Variants in MAN1B1 observed in about 807,000 individuals in gnomAD.
The protein encoded by MAN1B1 is mannosidase alpha class 1B member 1.
MAN1B1 carries 66 observed loss-of-function variants against 75.5 expected under a neutral mutation model. The ratio of observed to expected loss-of-function variants is 0.87; its 90% CI spans 0.72 to 1.07. MAN1B1 has a LOEUF of 1.07. MAN1B1 is among the 50% of genes least tolerant of loss of function. MAN1B1 has a pLI of 0.00. For synonymous variants in MAN1B1, 453 were observed against 382.8 expected (o/e 1.18, Z -2.14); for missense variants, 973 against 912.5 (o/e 1.07, Z -0.85).
Position 137,101,625 on chromosome 9 carries a change from C to G in MAN1B1, c.1207C>G (p.Leu403Val), listed in dbSNP as rs1251324153. 6.2e-6 allele frequency: 10 copies of G among 1,613,450 alleles called. No individual in the cohort carries two copies. The highest frequency in any genetic ancestry group is 7.6e-6 in the Non-Finnish European group (9 of 1,179,840). ...STVAEVTSIQLEFRELSRLTG... is the reference protein window; with the variant it reads ...STVAEVTSIQVEFRELSRLTG... Reference sequence around the variant, plus strand: ...TGTGGCCGAGGTGACCAGCATTCAGCTGGAGTTCCGGGAGCTCTCCCGTCT... The same window carrying G: ...TGTGGCCGAGGTGACCAGCATTCAGGTGGAGTTCCGGGAGCTCTCCCGTCT... Residue 403 changes from leucine (L) to valine (V), a missense_variant, in exon 8 of 13, where the codon CTG becomes GTG. Transcript: ENST00000371589.
chr9:137,101,108 G>T lies in MAN1B1; in HGVS notation c.1020G>T (p.Leu340=), dbSNP rs551692238. The T allele has an allele frequency of 8.7e-6, 14 of 1,614,150 alleles. No individual in the cohort carries two copies. Among genetic ancestry groups the T allele is most frequent in the Non-Finnish European group, 1.2e-5 (14 of 1,180,028 alleles). ...CGATCCGCATCCTGGGGGGGCTCCT[G>T]AGTGCCTACCACCTGTCTGGGGACA... The part of the protein sequence containing the change: ...ESTIRILGGL[L]SAYHLSGDSL... Residue 340 remains leucine, a synonymous_variant, in exon 7 of 13, where the codon CTG becomes CTT. Coordinates refer to ENST00000371589, the MANE Select transcript of MAN1B1 (RefSeq NM_016219.5).
At chr9:137,103,829 G>C (rs1251289025) in intron 8 of MAN1B1, 4 of 450,982 alleles carry the variant, frequency 8.9e-6, no homozygotes, top group Non-Finnish European at 1.8e-5. Context: ...AGGCTTGCAG[G>C]TCGGTGGTGT....
At chr9:137,088,370 G>A in intron 2 of MAN1B1, 187 bp downstream of exon 2, 1 of 1,589,210 alleles carries the variant, frequency 6.3e-7, no homozygotes, top group Non-Finnish European at 8.5e-7. Context: ...TTAATTTGAT[G>A]CTGTCTGACT....
At chr9:137,087,358 G>A in intron 1 of MAN1B1, 140 bp downstream of exon 1, 1 of 1,022,662 alleles carries the variant, frequency 9.8e-7, no homozygotes, top group Non-Finnish European at 1.4e-6. Flanking sequence ...GCAAAAAGGG[G>A]CAAATGTGCG....
rs1252947478 is a variant in MAN1B1 at position 137,088,104 on chromosome 9, G to A, written c.249G>A (p.Arg83=). Residue 83 remains arginine, a synonymous_variant, in exon 2 of 13, where the codon CGG becomes CGA. Transcript: ENST00000371589. The stretch of plus-strand genomic sequence containing the variant: ...GGAAGCAACTGTCGAGATTGCAGCG[G>A]AATATGATTCTCTTCCTCCTTGCCT... ...RKWKQLSRLQ[R]NMILFLLAFL... 1.2e-6 allele frequency: 2 copies of A among 1,614,188 alleles called. No individual in the cohort carries two copies. Among genetic ancestry groups the A allele is most frequent in the East Asian group, 4.5e-5 (2 of 44,896 alleles).
At position 137,107,354 on chromosome 9, in the gene MAN1B1, C is replaced by T; in HGVS notation, c.1671C>T (p.Tyr557=). The stretch of plus-strand genomic sequence containing the variant: ...CCCAGGAGCTCATGGAGACTTGTTA[C>T]CAGATGAACCGGCAGATGGAGACGG... ...ELAQELMETC[Y]QMNRQMETGL... Residue 557 remains tyrosine, a synonymous_variant, in exon 11 of 13, where the codon TAC becomes TAT. Coordinates refer to ENST00000371589, the MANE Select transcript of MAN1B1 (RefSeq NM_016219.5). 2 of 1,613,390 alleles carry T rather than the reference C, an allele frequency of 1.2e-6. No individual in the cohort carries two copies. The highest frequency in any genetic ancestry group is 1.7e-6 in the Non-Finnish European group (2 of 1,180,010).
At chr9:137,094,895 C>A (rs368801977) in intron 3 of MAN1B1, among the ~76,000 whole-genome samples, 328 of 136,988 alleles carry the variant, frequency 2.4e-3, no homozygotes, top group African/African-American at 7.7e-3. Context: ...AACAAACAAA[C>A]AAAAAAAACA....
At chr9:137,106,402 C>T in intron 9 of MAN1B1, 87 bp downstream of exon 9, 2 of 1,268,778 alleles carry the variant, frequency 1.6e-6, no homozygotes, top group Non-Finnish European at 2.2e-6. Context: ...CCCACGGCCC[C>T]CGCTCCTGCT....
In MAN1B1 at chr9:137,108,468, CT is replaced by C. The variant is rs1407449968; in HGVS notation, c.1979del (p.Phe660SerfsTer68). ...PEPRDKMESF[F>X]LGETLKYLFL... is the part of the protein sequence containing the mutation. Reference sequence around the variant, plus strand: ...AGCCTAGGGACAAGATGGAGAGCTTCTTCCTGGGGGAGACGCTCAAGTATCT... The same window carrying C: ...AGCCTAGGGACAAGATGGAGAGCTTCTCCTGGGGGAGACGCTCAAGTATCT... On this transcript the variant is annotated frameshift_variant, in exon 13 of 13. Transcript: ENST00000371589. LOFTEE classifies it high-confidence loss of function. 3 of 1,613,998 alleles carry C rather than the reference CT, an allele frequency of 1.9e-6. No individual in the cohort carries two copies. The highest frequency in any genetic ancestry group is 2.5e-6 in the Non-Finnish European group (3 of 1,180,026).
At chr9:137,108,319 T>G in intron 12 of MAN1B1, 69 bp from the exon 13 acceptor site, 1 of 1,374,612 alleles carries the variant, frequency 7.3e-7, no homozygotes, top group Non-Finnish European at 1.0e-6. Flanking sequence ...TGGAGAGCGC[T>G]TCGGTGATGA....
In MAN1B1 at chr9:137,107,692, A is replaced by T. The variant is rs908854204; in HGVS notation, c.1896+30A>T. The T allele has an allele frequency of 2.5e-6, 4 of 1,610,250 alleles. No homozygotes were observed. In the African/African-American group the frequency reaches 5.3e-5, roughly 21 times the overall value. ...GCACCTGTCCTCGCCCCGCGTGGTC[A>T]CGGCCACCGGGCCACAGGCACGGCT... On this transcript the variant is annotated intron_variant, in intron 12 of 12. Transcript: ENST00000371589.
rs1477499196 is a variant in MAN1B1, at chr9:137,108,446, C to T, written c.1955C>T (p.Pro652Leu). The T allele has an allele frequency of 2.5e-6, 4 of 1,613,846 alleles. No homozygotes were observed. The highest frequency in any genetic ancestry group is 3.4e-6 in the Non-Finnish European group (4 of 1,180,030). ...NNVQDPQKPE[P>L]RDKMESFFLG... ...GTCCAGGATCCTCAGAAGCCCGAGC[C>T]TAGGGACAAGATGGAGAGCTTCTTC... The change falls in exon 13 of 13, where the codon CCT (proline) becomes CTT (leucine). Residue 652 changes from proline to leucine, a missense_variant. Physicochemically the swap from Pro to Leu is moderately conservative, Grantham distance 98. Transcript: ENST00000371589.
At chr9:137,091,483 C>T (rs1011381322) in intron 3 of MAN1B1, among the ~76,000 whole-genome samples, 2 of 148,962 alleles carry the variant, frequency 1.3e-5, no homozygotes, top group Non-Finnish European at 3.0e-5. Flanking sequence ...TTTCTGTTAA[C>T]GTTTTACTTT....
chr9:137,088,188 C>G lies in MAN1B1; in HGVS notation c.328+5C>G. On this transcript the variant is annotated splice_donor_5th_base_variant and intron_variant, in intron 2 of 12. Transcript: ENST00000371589. ...ACTTGGCTGACCATTGGAAAGGTAT[C>G]AGAAACACGTGTACTTGAAAACGAT... 1.2e-6 allele frequency: 2 copies of G among 1,614,058 alleles called. No homozygotes were observed. Among genetic ancestry groups the G allele is most frequent in the Non-Finnish European group, 1.7e-6 (2 of 1,179,978 alleles).
rs1400824436 is a variant in MAN1B1, at chr9:137,087,223, G to C, written c.219+5G>C. 4 of 1,567,028 alleles carry C rather than the reference G, an allele frequency of 2.6e-6. No homozygotes were observed. Among genetic ancestry groups the C allele is most frequent in the Non-Finnish European group, 3.5e-6 (4 of 1,156,398 alleles). ...CGGCGGCGCTCGTGCTGGAGGGTGAGGGTCGCGCCGGGCTGACTGGGGCCC... is the reference window on the plus strand; with the variant it reads ...CGGCGGCGCTCGTGCTGGAGGGTGACGGTCGCGCCGGGCTGACTGGGGCCC... On this transcript the variant is annotated splice_donor_5th_base_variant and intron_variant, in intron 1 of 12. Transcript: ENST00000371589.
intron 5 of MAN1B1, among the ~76,000 whole-genome samples, chr9:137,098,903 C>T (rs1404737896): frequency 1.3e-5 from 2 of 152,160 alleles, no homozygotes; most frequent in African/African-American, 4.8e-5. Flanking sequence ...TTTGTCACTT[C>T]ACTGCAACGT....
intron 3 of MAN1B1, among the ~76,000 whole-genome samples, chr9:137,095,097 A>C (rs1462455087): frequency 6.6e-6 from 1 of 152,084 alleles, no homozygotes; most frequent in East Asian, 1.9e-4. Context: ...CTGAGGCAGG[A>C]GAATCGTTTG....
intron 8 of MAN1B1, chr9:137,105,698 G>A (rs922216981): frequency 2.0e-5 from 7 of 348,362 alleles, no homozygotes; most frequent in African/African-American, 1.3e-4. Context: ...AGGAGGGCGT[G>A]GAGCCGAGGC....
chr9:137,106,538 T>A, intron 9 of MAN1B1, 151 bp from the exon 10 acceptor site: 8 of 1,290,002 alleles, frequency 6.2e-6, no homozygotes, highest in Non-Finnish European at 7.7e-6. Flanking sequence ...GCATCTTCAC[T>A]GAGGGCCATG....
Sources: gnomAD v4.1 joint callset for allele counts (sites outside exome capture counted in the v4.1 genomes callset) on GRCh38, gnomAD v4.1.1 for gene constraint, MANE v1.5 for transcripts, NCBI Gene and HGNC (gene_info 2026-07-23, HGNC 2026-07-21) for gene names.